The following DACH1 variants were observed in gnomAD, a reference collection of about 807,000 sequenced individuals.
The protein encoded by DACH1 is dachshund homolog 1.
Under a neutral mutation model 54.2 loss-of-function variants are expected in DACH1, and 12 were observed. That is an observed-to-expected ratio of 0.22 (90% confidence interval 0.14 to 0.36). The LOEUF is 0.36. Among genes scored for constraint, DACH1 ranks in the 10% least tolerant of loss-of-function variants. DACH1 has a pLI of 1.00. For missense variants in DACH1, 805 were observed against 929.8 expected (o/e 0.87, Z 1.75); for synonymous variants, 386 against 366.2 (o/e 1.05, Z -0.62).
chr13:71,511,793 G>T (rs888006277), intron 6 of DACH1, among the ~76,000 whole-genome samples: 2 of 151,842 alleles, frequency 1.3e-5, no homozygotes, highest in African/African-American at 4.8e-5. Flanking sequence ...CCTTTAACTA[G>T]ATTTCCAACT....
At chr13:71,727,113 C>A (rs1407165856) in intron 1 of DACH1, among the ~76,000 whole-genome samples, 2 of 152,004 alleles carry the variant, frequency 1.3e-5, no homozygotes, top group Non-Finnish European at 2.9e-5. Flanking sequence ...CTAAAAAAAT[C>A]TACTACTCAG....
chr13:71,465,160 G>A (rs556150678), intron 10 of DACH1, among the ~76,000 whole-genome samples: 1 of 152,014 alleles, frequency 6.6e-6, no homozygotes, highest in Non-Finnish European at 1.5e-5. Flanking sequence ...TTTTTCTAAA[G>A]AAGAATTTAT....
intron 1 of DACH1, among the ~76,000 whole-genome samples, chr13:71,721,449 A>T (rs1883225405): frequency 6.6e-6 from 1 of 152,106 alleles, no homozygotes; most frequent in Non-Finnish European, 1.5e-5. Context: ...CTTAAATGCC[A>T]CTTTTACTCA....
intron 1 of DACH1, 75 bp downstream of exon 1, chr13:71,865,847 G>C: frequency 7.3e-7 from 1 of 1,376,146 alleles, no homozygotes; most frequent in African/African-American, 1.5e-5. Context: ...GAGCGGCGCC[G>C]GGAAAGGAGC....
chr13:71,847,338 G>C (rs1337641377), intron 1 of DACH1, among the ~76,000 whole-genome samples: 1 of 152,132 alleles, frequency 6.6e-6, no homozygotes, highest in African/African-American at 2.4e-5. Flanking sequence ...GCATTTGCAA[G>C]TAATTCAATA....
intron 1 of DACH1, among the ~76,000 whole-genome samples, chr13:71,772,823 G>A (rs898673016): frequency 2.0e-5 from 3 of 151,660 alleles, no homozygotes; most frequent in African/African-American, 7.3e-5. Context: ...AACTAGTTTA[G>A]AGAAATAGTA....
intron 10 of DACH1, among the ~76,000 whole-genome samples, chr13:71,467,013 T>C (rs997113116): frequency 1.3e-5 from 2 of 151,980 alleles, no homozygotes; most frequent in Non-Finnish European, 2.9e-5. Context: ...TTTAGAAAAC[T>C]AGCTCTACGA....
In DACH1 at chr13:71,489,092, T is replaced by A; in HGVS notation, c.1627A>T (p.Thr543Ser). ...ARDSLDKLSL[T>S]GHGQPLPPGF... The stretch of plus-strand genomic sequence containing the variant: ...GGAGGCAGTGGTTGTCCATGCCCAG[T>A]TAGAGAGAGTTTGTCAAGGCTGTCT... The change falls in exon 7 of 11, where the codon ACT becomes TCT. Residue 543 changes from threonine to serine, a missense_variant. Physicochemically the swap from Thr to Ser is moderately conservative, Grantham distance 58. This residue lies in a region of DACH1 where 472 missense variants were observed against 545.3 expected (regional missense o/e 0.87). Transcript: ENST00000613252. 2.5e-6 allele frequency: 4 copies of A among 1,613,822 alleles called. No individual in the cohort carries two copies. Among genetic ancestry groups the A allele is most frequent in the Non-Finnish European group, 3.4e-6 (4 of 1,179,818 alleles).
intron 1 of DACH1, among the ~76,000 whole-genome samples, chr13:71,852,404 G>C (rs919877694): frequency 7.9e-5 from 12 of 151,300 alleles, no homozygotes; most frequent in African/African-American, 2.9e-4. Flanking sequence ...TGCTTAAACA[G>C]TGTTCTCCAA....
chr13:71,861,404 T>C (rs989498619), intron 1 of DACH1, among the ~76,000 whole-genome samples: 2 of 151,992 alleles, frequency 1.3e-5, no homozygotes, highest in Non-Finnish European at 2.9e-5. Flanking sequence ...GACTAACTCT[T>C]AGAAAAACAA....
At chr13:71,486,980 G>A (rs985389677) in intron 7 of DACH1, among the ~76,000 whole-genome samples, 1 of 151,916 alleles carries the variant, frequency 6.6e-6, no homozygotes, top group East Asian at 1.9e-4. Context: ...GAGTAGCTGG[G>A]ATTACAGGCA....
chr13:71,771,493 T>C (rs1405385628), intron 1 of DACH1, among the ~76,000 whole-genome samples: 2 of 151,446 alleles, frequency 1.3e-5, no homozygotes, highest in Non-Finnish European at 3.0e-5. Context: ...GCATCCATTT[T>C]TGCAACTAAT....
At chr13:71,802,166 C>A (rs1394030725) in intron 1 of DACH1, among the ~76,000 whole-genome samples, 1 of 151,496 alleles carries the variant, frequency 6.6e-6, no homozygotes, top group Non-Finnish European at 1.5e-5. Context: ...CTTTTTTTTT[C>A]CTGTCTGATT....
Position 71,866,664 on chromosome 13 carries a change from C to A in DACH1, c.106G>T (p.Ala36Ser), listed in dbSNP as rs777950851. 2.1e-5 allele frequency: 30 copies of A among 1,437,652 alleles called. No homozygotes were observed. The highest frequency in any genetic ancestry group is 2.5e-5 in the Non-Finnish European group (27 of 1,087,008). The allele number at this position is 1,437,652 out of a possible 1,614,324, so 89.1% of individuals were successfully genotyped here. A position where few individuals can be genotyped will look rare whatever the true frequency, so the allele number is the denominator to read the frequency against. ...SSGTTTSTSS[A>S]TSSPAPSIGP... ...ATGGAAGGAGCCGGAGACGAAGTCG[C>A]CGAAGAGGTGGAGGTGGTGGTGCCA... is the stretch of plus-strand genomic sequence containing the variant. The change falls in exon 1 of 11, where the codon GCG becomes TCG. Residue 36 changes from alanine to serine, a missense_variant. Around this residue, in one of 3 missense-constraint regions of DACH1, gnomAD observed 305 missense variants for 308.7 expected, o/e 0.99. Coordinates refer to ENST00000613252, the MANE Select transcript of DACH1 (RefSeq NM_080759.6).
chr13:71,689,841 T>TCTCGCC (rs1881383479), intron 1 of DACH1, among the ~76,000 whole-genome samples: 1 of 152,260 alleles, frequency 6.6e-6, no homozygotes, highest in African/African-American at 2.4e-5. Context: ...GTTGGGATAA[T>TCTCGCC]CTCGCCCTCG....
intron 6 of DACH1, among the ~76,000 whole-genome samples, chr13:71,492,289 TAA>T (rs10565952): frequency 0.014 from 2,168 of 152,202 alleles, 59 homozygotes; most frequent in African/African-American, 0.05. Flanking sequence ...CAGAGGGAAT[TAA>T]GTTAAGATCT....
chr13:71,630,851 T>C (rs987068721), intron 2 of DACH1, 134 bp from the exon 3 acceptor site: 4 of 1,031,850 alleles, frequency 3.9e-6, no homozygotes, highest in South Asian at 4.3e-5. Flanking sequence ...TGATAACTTA[T>C]ACTCATTCCC....
At chr13:71,474,531 G>A (rs972929319) in intron 10 of DACH1, among the ~76,000 whole-genome samples, 1 of 152,014 alleles carries the variant, frequency 6.6e-6, no homozygotes, top group Non-Finnish European at 1.5e-5. Flanking sequence ...CTAATAGTAC[G>A]ATCATGACAA....
intron 6 of DACH1, among the ~76,000 whole-genome samples, chr13:71,547,400 AG>A (rs991388994): frequency 3.3e-5 from 5 of 152,216 alleles, no homozygotes; most frequent in Admixed American, 2.6e-4. Flanking sequence ...ATCCCATGAA[AG>A]GTGCTTTTGG....
Sources: allele counts gnomAD v4.1 joint callset (sites outside exome capture counted in the v4.1 genomes callset), GRCh38; gene constraint gnomAD v4.1.1; regional missense constraint gnomAD v4.1.1; transcripts MANE v1.5; gene names NCBI Gene and HGNC (gene_info 2026-07-23, HGNC 2026-07-21).